Variants in COLEC10 observed in about 807,000 individuals in gnomAD.
The protein encoded by COLEC10 is collectin-10.
In COLEC10, 22 loss-of-function variants were observed where a neutral mutation model predicts 28.4. The ratio of observed to expected loss-of-function variants is 0.78; its 90% CI spans 0.55 to 1.11. The LOEUF is 1.11. Ranked by LOEUF, COLEC10 falls within the 50% of genes least tolerant of loss-of-function variation. COLEC10 has a pLI of 0.00. For synonymous variants in COLEC10, 125 were observed against 116.1 expected, an observed-to-expected ratio of 1.08 and a Z score of -0.49; for missense variants, 361 against 344.1, an observed-to-expected ratio of 1.05 and a Z score of -0.39.
the COLEC10 span, among the ~76,000 whole-genome samples, chr8:118,961,749 G>T: frequency 6.6e-6 from 1 of 152,174 alleles, no homozygotes; most frequent in African/African-American, 2.4e-5. Flanking sequence ...CCATTCTTGG[G>T]CAGCTATTAT....
At chr8:119,018,815 TTCC>T (rs1486207705) in intron 2 of COLEC10, among the ~76,000 whole-genome samples, 5 of 152,300 alleles carry the variant, frequency 3.3e-5, no homozygotes, top group Non-Finnish European at 5.9e-5. Context: ...GTGATTCTGA[TTCC>T]ATAGGTAGTA....
chr8:119,050,042 G>C (rs916936941), intron 2 of COLEC10, among the ~76,000 whole-genome samples: 23 of 152,100 alleles, frequency 1.5e-4, no homozygotes, highest in African/African-American at 5.3e-4. Context: ...CCTTGGACAA[G>C]TCACCTAACT....
At chr8:119,013,089 C>T (rs1159557232) in intron 2 of COLEC10, among the ~76,000 whole-genome samples, 3 of 150,018 alleles carry the variant, frequency 2.0e-5, no homozygotes, top group African/African-American at 5.0e-5. Context: ...CTATTAAGTG[C>T]ATTCAATACT....
upstream of COLEC10, among the ~76,000 whole-genome samples, chr8:118,990,546 T>A (rs532176619): frequency 2.3e-4 from 35 of 152,276 alleles, no homozygotes; most frequent in African/African-American, 7.0e-4. Flanking sequence ...TTACAAATTA[T>A]TTCTCTCCAC....
At chr8:119,012,942 A>G (rs1325199447) in intron 2 of COLEC10, among the ~76,000 whole-genome samples, 1 of 149,530 alleles carries the variant, frequency 6.7e-6, no homozygotes, top group Non-Finnish European at 1.5e-5. Flanking sequence ...TTTCCCTATT[A>G]ATATCTTGTT....
the COLEC10 span, among the ~76,000 whole-genome samples, chr8:118,971,133 A>C: frequency 1.3e-5 from 2 of 151,890 alleles, no homozygotes; most frequent in Non-Finnish European, 2.9e-5. Flanking sequence ...ATTATGTAGG[A>C]GTGGGAAACC....
the COLEC10 span, among the ~76,000 whole-genome samples, chr8:118,973,976 G>T: frequency 6.6e-6 from 1 of 151,612 alleles, no homozygotes; most frequent in East Asian, 1.9e-4. Context: ...AACCCACCTG[G>T]CCCTGTCCCA....
At chr8:119,036,762 T>C (rs998304407) in intron 2 of COLEC10, among the ~76,000 whole-genome samples, 1 of 152,158 alleles carries the variant, frequency 6.6e-6, no homozygotes, top group Admixed American at 6.5e-5. Context: ...TTTAAAAAGA[T>C]GCAGGCAGAC....
intron 2 of COLEC10, among the ~76,000 whole-genome samples, chr8:119,015,179 T>G (rs1813969063): frequency 6.7e-6 from 1 of 149,778 alleles, no homozygotes; most frequent in Admixed American, 6.6e-5. Context: ...GAAATTGCTC[T>G]TAGTAGGCCT....
intron 2 of COLEC10, among the ~76,000 whole-genome samples, chr8:119,035,164 T>C (rs2130138019): frequency 6.6e-6 from 1 of 152,340 alleles, no homozygotes; most frequent in Admixed American, 6.5e-5. Context: ...TGCAATATGT[T>C]TGTGCACTAA....
chr8:119,026,999 A>G (rs1814203300), intron 2 of COLEC10, among the ~76,000 whole-genome samples: 1 of 152,186 alleles, frequency 6.6e-6, no homozygotes, highest in African/African-American at 2.4e-5. Context: ...GTGGTCCTAA[A>G]GGGAGTCTGG....
chr8:118,976,834 T>C, the COLEC10 span, among the ~76,000 whole-genome samples: 3 of 151,988 alleles, frequency 2.0e-5, no homozygotes, highest in African/African-American at 7.3e-5. Flanking sequence ...GGGAGAAAAG[T>C]TTCACAACCT....
chr8:119,002,429 T>C (rs1476449074), intron 1 of COLEC10, among the ~76,000 whole-genome samples: 5 of 152,178 alleles, frequency 3.3e-5, no homozygotes, highest in Admixed American at 6.5e-5. Context: ...GAAGAAACTT[T>C]AAAATTTTTA....
chr8:118,986,021 T>C, the COLEC10 span, among the ~76,000 whole-genome samples: 5 of 152,270 alleles, frequency 3.3e-5, no homozygotes, highest in East Asian at 5.8e-4. Flanking sequence ...GCAGCACTTA[T>C]AGAAAGGCTC....
intron 2 of COLEC10, among the ~76,000 whole-genome samples, chr8:119,048,300 A>G (rs536276953): frequency 1.3e-5 from 2 of 152,308 alleles, no homozygotes; most frequent in East Asian, 1.9e-4. Flanking sequence ...AGCTCCATCC[A>G]TGTTGCCGCA....
chr8:118,953,073 G>C, the COLEC10 span, among the ~76,000 whole-genome samples: 1 of 152,176 alleles, frequency 6.6e-6, no homozygotes, highest in African/African-American at 2.4e-5. Context: ...GGGGAGCAAG[G>C]ATGGCTTACC....
chr8:118,960,820 T>C, the COLEC10 span, among the ~76,000 whole-genome samples: 1 of 149,582 alleles, frequency 6.7e-6, no homozygotes, highest in East Asian at 2.0e-4. Flanking sequence ...ATTGTGCTGT[T>C]CACATGCAGT....
At chr8:118,989,570 CA>C in the COLEC10 span, among the ~76,000 whole-genome samples, 6 of 148,710 alleles carry the variant, frequency 4.0e-5, no homozygotes, top group South Asian at 4.2e-4. Flanking sequence ...CACACACACA[CA>C]CACACACCCC....
At chr8:118,989,754 T>C in the COLEC10 span, among the ~76,000 whole-genome samples, 1 of 148,816 alleles carries the variant, frequency 6.7e-6, no homozygotes, top group Non-Finnish European at 1.5e-5. Context: ...GAAGGCTGTA[T>C]ACACAGATTA....
Sources: gnomAD v4.1 joint callset for allele counts (sites outside exome capture counted in the v4.1 genomes callset) on GRCh38, gnomAD v4.1.1 for gene constraint, MANE v1.5 for transcripts, NCBI Gene and HGNC (gene_info 2026-07-23, HGNC 2026-07-21) for gene names.